The following MINDY4 variants were observed in gnomAD, a reference collection of about 807,000 sequenced individuals.
MINDY4 encodes the protein probable ubiquitin carboxyl-terminal hydrolase MINDY-4.
Under a neutral mutation model 87.0 loss-of-function variants are expected in MINDY4, and 68 were observed. The observed-to-expected ratio is 0.78, with a 90% CI of 0.64 to 0.96. MINDY4 has a LOEUF of 0.96. Among genes scored for constraint, MINDY4 ranks in the 40% least tolerant of loss-of-function variants. The pLI is 0.00. For synonymous variants in MINDY4, 379 were observed against 363.2 expected (o/e 1.04, Z -0.50); for missense variants, 919 against 928.2 (o/e 0.99, Z 0.13).
Position 30,875,652 on chromosome 7 carries a change from G to GTT in MINDY4, c.1967_1968insTT (p.Gln657SerfsTer7). 6.2e-7 allele frequency: 1 copy of GTT among 1,605,660 alleles called. No individual in the cohort carries two copies. Among genetic ancestry groups the GTT allele is most frequent in the Non-Finnish European group, 8.5e-7 (1 of 1,174,506 alleles). ...TCTCTCTTTGAGCATTACAACATGTGCCAGGTACCCAGATGCTCACGTTCA... is the reference window on the plus strand; with the variant it reads ...TCTCTCTTTGAGCATTACAACATGTGTTCCAGGTACCCAGATGCTCACGTTCA... On this transcript the variant is annotated frameshift_variant, in exon 15 of 18. Transcript: ENST00000265299. LOFTEE classifies it high-confidence loss of function.
intron 5 of MINDY4, among the ~76,000 whole-genome samples, chr7:30,817,289 A>T (rs1788181115): frequency 6.6e-6 from 1 of 152,076 alleles, no homozygotes; most frequent in South Asian, 2.1e-4. Flanking sequence ...CTGAGGAGCT[A>T]CAGGAAACCA....
chr7:30,791,697 C>A, intron 5 of MINDY4, 123 bp downstream of exon 5: 1 of 1,057,578 alleles, frequency 9.5e-7, no homozygotes, highest in Non-Finnish European at 1.3e-6. Context: ...AACAAGCCTG[C>A]GAAGTAACCG....
intron 5 of MINDY4, among the ~76,000 whole-genome samples, chr7:30,825,980 C>G (rs1009366489): frequency 7.9e-5 from 12 of 152,194 alleles, no homozygotes; most frequent in East Asian, 3.8e-4. Context: ...TTTTCACCTT[C>G]TAGTACCCAC....
At chr7:30,884,453 A>C (rs1790570113) in intron 17 of MINDY4, among the ~76,000 whole-genome samples, 1 of 152,164 alleles carries the variant, frequency 6.6e-6, no homozygotes, top group Non-Finnish European at 1.5e-5. Flanking sequence ...CAAAATGATG[A>C]GAGAAAGGCA....
chr7:30,863,949 G>A (rs902759455), intron 13 of MINDY4, among the ~76,000 whole-genome samples: 1 of 152,170 alleles, frequency 6.6e-6, no homozygotes, highest in South Asian at 2.1e-4. Context: ...GGATGCTCAG[G>A]GTCCTGGGGT....
At chr7:30,886,228 G>T (rs1219282252) in intron 17 of MINDY4, among the ~76,000 whole-genome samples, 1 of 152,164 alleles carries the variant, frequency 6.6e-6, no homozygotes, top group African/African-American at 2.4e-5. Flanking sequence ...TGGTGGGCAG[G>T]TAGAATTCCC....
intron 17 of MINDY4, among the ~76,000 whole-genome samples, chr7:30,889,792 T>C (rs1278798635): frequency 6.6e-6 from 1 of 152,148 alleles, no homozygotes; most frequent in Non-Finnish European, 1.5e-5. Flanking sequence ...GGAGGTGGGG[T>C]TGTGGATGAA....
At chr7:30,828,395 G>A (rs1788584002) in intron 5 of MINDY4, among the ~76,000 whole-genome samples, 2 of 152,140 alleles carry the variant, frequency 1.3e-5, no homozygotes, top group South Asian at 4.1e-4. Flanking sequence ...CCTACATGCA[G>A]TGCTTGGCAA....
chr7:30,852,092 C>G lies in MINDY4; in HGVS notation c.1548-124C>G, dbSNP rs1216510221. On this transcript the variant is annotated intron_variant, in intron 10 of 17. Transcript: ENST00000265299. ...GGGGAAAAATGAGAAACTCTTGGCT[C>G]CATTTTCTCTCTGGAGCCACCTTCT... The G allele has an allele frequency of 2.7e-6, 3 of 1,091,944 alleles. No individual in the cohort carries two copies. In the South Asian group the frequency reaches 5.0e-5, roughly 18 times the overall value. The allele number at this position is 1,091,944 out of a possible 1,614,324, so 67.6% of individuals were successfully genotyped here.
intron 15 of MINDY4, among the ~76,000 whole-genome samples, chr7:30,876,788 GGGTCCGGA>G (rs1194434586): frequency 3.9e-5 from 6 of 152,270 alleles, no homozygotes; most frequent in African/African-American, 1.2e-4. Flanking sequence ...GATTCTTGGA[GGGTCCGGA>G]TGAGGCCTCA....
chr7:30,866,160 C>CCA (rs1204669489), intron 13 of MINDY4, among the ~76,000 whole-genome samples: 1 of 150,938 alleles, frequency 6.6e-6, no homozygotes, highest in Admixed American at 6.6e-5. Context: ...AGAAGGGGGG[C>CCA]CACACCCAGG....
At chr7:30,860,258 G>C (rs904611409) in intron 13 of MINDY4, among the ~76,000 whole-genome samples, 1 of 152,218 alleles carries the variant, frequency 6.6e-6, no homozygotes, top group South Asian at 2.1e-4. Flanking sequence ...GGCCTGGTTG[G>C]GTCTGGTCGG....
chr7:30,875,479 T>G lies in MINDY4; in HGVS notation c.1810-16T>G, dbSNP rs1441588395. ...ATTCAGACTTGATGAGTCTTTCCCCTTTCTCTCATCTGCAGGAACTTGTCA... is the reference window on the plus strand; with the variant it reads ...ATTCAGACTTGATGAGTCTTTCCCCGTTCTCTCATCTGCAGGAACTTGTCA... On this transcript the variant is annotated splice_polypyrimidine_tract_variant and intron_variant, in intron 14 of 17. Coordinates refer to ENST00000265299, the MANE Select transcript of MINDY4 (RefSeq NM_032222.3). The G allele has an allele frequency of 1.2e-6, 2 of 1,613,860 alleles. No individual in the cohort carries two copies. Among genetic ancestry groups the G allele is most frequent in the Non-Finnish European group, 1.7e-6 (2 of 1,179,844 alleles).
intron 5 of MINDY4, among the ~76,000 whole-genome samples, chr7:30,824,401 A>G (rs1432922491): frequency 6.6e-6 from 1 of 152,180 alleles, no homozygotes; most frequent in Admixed American, 6.5e-5. Context: ...CCACCTCTGA[A>G]TACGGCCACA....
chr7:30,819,148 T>G (rs1390933395), intron 5 of MINDY4, among the ~76,000 whole-genome samples: 2 of 152,224 alleles, frequency 1.3e-5, no homozygotes, highest in Non-Finnish European at 2.9e-5. Context: ...CTTACTTTGC[T>G]TTCCACTGTT....
chr7:30,803,830 A>G (rs999872637), intron 5 of MINDY4, among the ~76,000 whole-genome samples: 1 of 152,194 alleles, frequency 6.6e-6, no homozygotes, highest in African/African-American at 2.4e-5. Flanking sequence ...TTTTTGGATA[A>G]TGTACACTTA....
intron 9 of MINDY4, among the ~76,000 whole-genome samples, chr7:30,849,322 A>G (rs1379116873): frequency 6.6e-6 from 1 of 152,244 alleles, no homozygotes; most frequent in African/African-American, 2.4e-5. Flanking sequence ...CAGAGTCTTC[A>G]TCAAGTCCTT....
At chr7:30,860,340 G>A (rs904578954) in intron 13 of MINDY4, among the ~76,000 whole-genome samples, 1 of 152,124 alleles carries the variant, frequency 6.6e-6, no homozygotes, top group Non-Finnish European at 1.5e-5. Flanking sequence ...GGCCTCGTGC[G>A]CCAGGCTGCC....
At chr7:30,828,657 A>G (rs769627508) in intron 5 of MINDY4, 22 bp from the exon 6 acceptor site, 3 of 1,612,870 alleles carry the variant, frequency 1.9e-6, no homozygotes, top group Non-Finnish European at 2.5e-6. Context: ...CCTCTGGTAC[A>G]TTGATATTTT....
Sources: gnomAD v4.1 joint callset for allele counts (sites outside exome capture counted in the v4.1 genomes callset) on GRCh38, gnomAD v4.1.1 for gene constraint, MANE v1.5 for transcripts, NCBI Gene and HGNC (gene_info 2026-07-23, HGNC 2026-07-21) for gene names.